Variants in PTPRM observed in about 807,000 individuals in gnomAD.
The protein encoded by PTPRM is receptor-type tyrosine-protein phosphatase mu.
PTPRM carries 47 observed loss-of-function variants against 186.7 expected under a neutral mutation model. The ratio of observed to expected loss-of-function variants is 0.25; its 90% confidence interval spans 0.20 to 0.32. PTPRM has a LOEUF of 0.32. Ranked by LOEUF, PTPRM falls within the 10% of genes least tolerant of loss-of-function variation. PTPRM has a pLI of 1.00. For synonymous variants in PTPRM, 668 were observed against 674.9 expected (o/e 0.99, Z 0.16); for missense variants, 1,494 against 1,865.0 (o/e 0.80, Z 3.66).
intron 9 of PTPRM, among the ~76,000 whole-genome samples, chr18:8,084,713 C>T (rs2090340889): frequency 6.6e-6 from 1 of 152,150 alleles, no homozygotes; most frequent in African/African-American, 2.4e-5. Flanking sequence ...CAATTTAAAA[C>T]TTTCGAATAT....
intron 20 of PTPRM, among the ~76,000 whole-genome samples, chr18:8,302,424 A>G (rs772248292): frequency 1.3e-5 from 2 of 152,198 alleles, no homozygotes; most frequent in Non-Finnish European, 2.9e-5. Flanking sequence ...CCAGACCTAC[A>G]GAGCCTTCTG....
chr18:8,187,041 G>A (rs2146657102), intron 14 of PTPRM, among the ~76,000 whole-genome samples: 2 of 151,864 alleles, frequency 1.3e-5, no homozygotes, highest in Admixed American at 1.3e-4. Context: ...CCCAGATACA[G>A]CAATTCTCGT....
At chr18:8,117,528 T>C (rs2092001731) in intron 13 of PTPRM, among the ~76,000 whole-genome samples, 1 of 152,214 alleles carries the variant, frequency 6.6e-6, no homozygotes, top group African/African-American at 2.4e-5. Context: ...GCAGTGATTA[T>C]TTTAATCATA....
At chr18:7,595,063 G>C (rs2037222345) in intron 1 of PTPRM, among the ~76,000 whole-genome samples, 1 of 152,168 alleles carries the variant, frequency 6.6e-6, no homozygotes, top group South Asian at 2.1e-4. Context: ...TCGTTGAATA[G>C]CTCCTTCAGT....
chr18:8,392,483 C>T (rs6506581), intron 31 of PTPRM, among the ~76,000 whole-genome samples: 9,332 of 151,932 alleles, frequency 0.061, 1,000 homozygotes, highest in African/African-American at 0.22. Context: ...AAAAATTAGC[C>T]GGGCATGGTG....
At chr18:8,168,063 C>T (rs776671567) in intron 14 of PTPRM, among the ~76,000 whole-genome samples, 1 of 152,194 alleles carries the variant, frequency 6.6e-6, no homozygotes, top group African/African-American at 2.4e-5. Flanking sequence ...GTCTCTGCTT[C>T]TCAACCCTGG....
chr18:7,824,427 C>CTGTG (rs10565296), intron 2 of PTPRM, among the ~76,000 whole-genome samples: 7 of 150,336 alleles, frequency 4.7e-5, no homozygotes, highest in African/African-American at 1.2e-4. Flanking sequence ...TTGGATTTTC[C>CTGTG]TGTGTGTGTG....
At chr18:8,114,976 T>C in intron 13 of PTPRM, 149 bp downstream of exon 13, 1 of 602,858 alleles carries the variant, frequency 1.7e-6, no homozygotes. Flanking sequence ...AATGCATGTA[T>C]GTATTAGGAT....
chr18:7,768,453 A>G (rs931678739), intron 1 of PTPRM, among the ~76,000 whole-genome samples: 1 of 152,176 alleles, frequency 6.6e-6, no homozygotes, highest in Non-Finnish European at 1.5e-5. Context: ...GGACTGTGCC[A>G]CTGCACTCAA....
intron 11 of PTPRM, among the ~76,000 whole-genome samples, chr18:8,099,751 C>A (rs1430845113): frequency 6.6e-6 from 1 of 152,148 alleles, no homozygotes; most frequent in Non-Finnish European, 1.5e-5. Context: ...GTAAACAATT[C>A]ATACAAGTTA....
At position 8,174,560 on chromosome 18, in the gene PTPRM, G is replaced by C. The variant is rs189234965; in HGVS notation, c.2300+30781G>C. Among the ~76,000 whole-genome samples, 310 of 152,338 alleles carry C rather than the reference G, an allele frequency of 2.0e-3. 2 individuals are homozygous for C. Among genetic ancestry groups the C allele is most frequent in the African/African-American group, 7.2e-3 (301 of 41,580 alleles). ...GCAGTATAAGCACAATACTGACCAA[G>C]TGTGGAGGATTATTGAGCTCAGAAA... On this transcript the variant is annotated intron_variant, in intron 14 of 32. Coordinates refer to ENST00000580170, the MANE Select transcript of PTPRM (RefSeq NM_001105244.2).
chr18:8,379,139 C>A (rs1316042367), intron 27 of PTPRM, 28 bp from the exon 28 acceptor site: 2 of 1,547,412 alleles, frequency 1.3e-6, no homozygotes, highest in Non-Finnish European at 1.7e-6. Context: ...GGCTTCTTGT[C>A]CTCATGTTCC....
At chr18:8,156,702 A>G (rs2093128633) in intron 14 of PTPRM, among the ~76,000 whole-genome samples, 1 of 152,200 alleles carries the variant, frequency 6.6e-6, no homozygotes, top group African/African-American at 2.4e-5. Context: ...GGTACTCTTT[A>G]TAATTAGCTG....
rs117249754 is a variant in PTPRM at position 7,718,594 on chromosome 18, G to A, written c.74-55555G>A. Among the ~76,000 whole-genome samples the A allele has an allele frequency of 9.5e-3, 1,443 of 152,284 alleles. 52 individuals are homozygous for A. In the East Asian group the frequency reaches 0.1, roughly 11 times the overall value. ...AATTAAACTAAAAAGCTTCGGCACA[G>A]CAAGAGAAATAATTAGCAGAGTAAA... On this transcript the variant is annotated intron_variant, in intron 1 of 32. Transcript: ENST00000580170.
At chr18:7,606,627 A>G (rs993220469) in intron 1 of PTPRM, among the ~76,000 whole-genome samples, 16 of 152,170 alleles carry the variant, frequency 1.1e-4, no homozygotes, top group Admixed American at 8.5e-4. Context: ...ATAGAGCGTG[A>G]TGGTGACTTA....
intron 7 of PTPRM, among the ~76,000 whole-genome samples, chr18:7,992,663 G>T (rs1355810336): frequency 2.0e-5 from 3 of 152,056 alleles, no homozygotes. Flanking sequence ...TCATTGATAG[G>T]TTCTGGGAAA....
chr18:8,333,682 C>T (rs2095423569), intron 22 of PTPRM, among the ~76,000 whole-genome samples: 1 of 152,172 alleles, frequency 6.6e-6, no homozygotes, highest in Admixed American at 6.5e-5. Context: ...AAAATGAATG[C>T]CTCTCAGGCT....
chr18:8,145,951 A>T (rs1036073787), intron 14 of PTPRM, among the ~76,000 whole-genome samples: 2 of 152,048 alleles, frequency 1.3e-5, no homozygotes, highest in Non-Finnish European at 2.9e-5. Context: ...TTCCACCAAC[A>T]GTGTAAAAGT....
chr18:8,169,973 A>G (rs1005319896), intron 14 of PTPRM, among the ~76,000 whole-genome samples: 1 of 152,222 alleles, frequency 6.6e-6, no homozygotes. Context: ...AAAGAGCTAG[A>G]AAGAGTCTTG....
Sources: allele counts gnomAD v4.1 joint callset (sites outside exome capture counted in the v4.1 genomes callset), GRCh38; gene constraint gnomAD v4.1.1; transcripts MANE v1.5; gene names NCBI Gene and HGNC (gene_info 2026-07-23, HGNC 2026-07-21).